MMP26: variants seen among roughly 807,000 people sequenced by gnomAD.
MMP26 encodes matrix metalloproteinase-26.
Under a neutral mutation model 31.0 loss-of-function variants are expected in MMP26, and 33 were observed. The ratio of observed to expected loss-of-function variants is 1.06; its 90% CI spans 0.81 to 1.42. The LOEUF is 1.42. Ranked by LOEUF, MMP26 falls within the 40% of genes most tolerant of loss-of-function variation. MMP26 has a pLI of 0.00. For synonymous variants in MMP26, 122 were observed against 114.9 expected (o/e 1.06, Z -0.40); for missense variants, 347 against 316.1 (o/e 1.10, Z -0.74).
chr11:4,829,836 G>A (rs1849623672), intron 2 of MMP26, among the ~76,000 whole-genome samples: 1 of 152,118 alleles, frequency 6.6e-6, no homozygotes, highest in African/African-American at 2.4e-5. Flanking sequence ...GGCTTATGTT[G>A]AGCCTTTTAA....
intron 2 of MMP26, among the ~76,000 whole-genome samples, chr11:4,968,395 G>A (rs1271544885): frequency 2.6e-5 from 4 of 151,796 alleles, no homozygotes; most frequent in African/African-American, 9.7e-5. Context: ...AGAGTTTTCA[G>A]AGGCCCTCTG....
chr11:4,907,639 G>A (rs896009269), intron 2 of MMP26: 3 of 1,613,904 alleles, frequency 1.9e-6, no homozygotes, highest in Admixed American at 1.7e-5. Flanking sequence ...TCAATGCCAT[G>A]GGAATTTCAC....
chr11:4,706,427 T>C (rs188869316), intron 1 of MMP26, among the ~76,000 whole-genome samples: 74 of 151,482 alleles, frequency 4.9e-4, no homozygotes, highest in African/African-American at 1.7e-3. Flanking sequence ...CCAGGCATGA[T>C]GGTGTGTGCC....
At chr11:4,914,936 A>C (rs1283040337) in intron 2 of MMP26, 1 of 1,614,130 alleles carries the variant, frequency 6.2e-7, no homozygotes, top group East Asian at 2.2e-5. Context: ...ACAGGTGTTA[A>C]GGGCCTTGAA....
At chr11:4,991,837 C>T (rs1847008495) in intron 6 of MMP26, 127 bp from the exon 7 acceptor site, 1 of 891,772 alleles carries the variant, frequency 1.1e-6, no homozygotes, top group Non-Finnish European at 1.6e-6. Context: ...CTACCTTTTC[C>T]TTTACCCTGT....
chr11:4,775,524 T>A (rs1370824392), intron 2 of MMP26, among the ~76,000 whole-genome samples: 2 of 152,192 alleles, frequency 1.3e-5, no homozygotes, highest in African/African-American at 4.8e-5. Context: ...GCTGATGATC[T>A]ATGTTTTAGC....
intron 1 of MMP26, among the ~76,000 whole-genome samples, chr11:4,706,070 G>A (rs116398605): frequency 0.02 from 3,030 of 152,092 alleles, 125 homozygotes; most frequent in African/African-American, 0.069. Context: ...CCCTTTGATT[G>A]CAGGAGTTGA....
At chr11:4,866,693 G>A (rs756012787) in intron 2 of MMP26, among the ~76,000 whole-genome samples, 37 of 152,052 alleles carry the variant, frequency 2.4e-4, no homozygotes, top group Admixed American at 1.1e-3. Flanking sequence ...ATATTACAAG[G>A]CTACAGTAAC....
intron 2 of MMP26, among the ~76,000 whole-genome samples, chr11:4,767,955 C>T (rs949077553): frequency 6.6e-6 from 1 of 152,126 alleles, no homozygotes; most frequent in African/African-American, 2.4e-5. Context: ...AGTTCGTTTT[C>T]AGAAACCAAA....
chr11:4,763,711 A>T (rs964016692), intron 1 of MMP26, among the ~76,000 whole-genome samples: 3 of 152,212 alleles, frequency 2.0e-5, no homozygotes, highest in Admixed American at 6.5e-5. Context: ...GTTTTGGCTA[A>T]TGGGTTTCTT....
chr11:4,793,276 C>T (rs1485800025), intron 2 of MMP26, among the ~76,000 whole-genome samples: 1 of 152,170 alleles, frequency 6.6e-6, no homozygotes, highest in African/African-American at 2.4e-5. Flanking sequence ...AGAACTCAGT[C>T]TCTGGTGCAA....
At chr11:4,891,001 A>AATG (rs1850612042) in intron 2 of MMP26, among the ~76,000 whole-genome samples, 2 of 147,040 alleles carry the variant, frequency 1.4e-5, no homozygotes, top group African/African-American at 5.0e-5. Flanking sequence ...TAATAATAAT[A>AATG]ATAATAATAA....
At chr11:4,860,398 C>T (rs1271233946) in intron 2 of MMP26, 1 of 471,172 alleles carries the variant, frequency 2.1e-6, no homozygotes, top group Non-Finnish European at 4.4e-6. Flanking sequence ...CTCATGGAGA[C>T]TTGGCTCCAC....
chr11:4,850,320 T>A (rs1258061356), intron 2 of MMP26, among the ~76,000 whole-genome samples: 1 of 152,108 alleles, frequency 6.6e-6, no homozygotes, highest in Non-Finnish European at 1.5e-5. Context: ...TCTTTCAGAG[T>A]CATCAGTTAG....
chr11:4,978,163 A>C (rs1846764888), intron 2 of MMP26, among the ~76,000 whole-genome samples: 1 of 152,028 alleles, frequency 6.6e-6, no homozygotes. Flanking sequence ...AAGTTTCCCA[A>C]GGCCTCCCCA....
chr11:4,707,915 C>T (rs1366634854), intron 1 of MMP26, among the ~76,000 whole-genome samples: 1 of 152,084 alleles, frequency 6.6e-6, no homozygotes, highest in African/African-American at 2.4e-5. Context: ...CCTTAGTGGC[C>T]ATGTCTCCTC....
intron 2 of MMP26, among the ~76,000 whole-genome samples, chr11:4,816,887 T>C (rs1357006970): frequency 6.7e-6 from 1 of 149,190 alleles, no homozygotes; most frequent in African/African-American, 2.5e-5. Flanking sequence ...TTTTTTAATA[T>C]TTTTAGTAGA....
At chr11:4,913,375 C>T (rs1851021845) in intron 2 of MMP26, 1 of 152,198 alleles carries the variant, frequency 6.6e-6, no homozygotes, top group Non-Finnish European at 1.5e-5. Context: ...TGTTCAGCCA[C>T]ACCCTTTCTT....
chr11:4,970,170 G>C (rs182142106), intron 2 of MMP26, among the ~76,000 whole-genome samples: 252 of 152,224 alleles, frequency 1.7e-3, no homozygotes, highest in Non-Finnish European at 3.1e-3. Context: ...ATATAAAGTA[G>C]TTCTTATCTT....
Sources: gnomAD v4.1 joint callset for allele counts (sites outside exome capture counted in the v4.1 genomes callset) on GRCh38, gnomAD v4.1.1 for gene constraint, MANE v1.5 for transcripts, NCBI Gene and HGNC (gene_info 2026-07-23, HGNC 2026-07-21) for gene names.